The following PACRGL variants were observed in gnomAD, a reference collection of about 807,000 sequenced individuals.
The protein encoded by PACRGL is parkin coregulated like.
A neutral mutation model predicts 34.5 loss-of-function variants in PACRGL; 38 were observed. That is an observed-to-expected ratio of 1.10 (90% CI 0.85 to 1.44). The LOEUF (loss-of-function observed/expected upper bound fraction) is 1.44, where lower values mean the gene tolerates loss of function less well. PACRGL is among the 40% of genes most tolerant of loss of function. The pLI is 0.00. For missense variants in PACRGL, 305 were observed against 281.4 expected, an observed-to-expected ratio of 1.08 and a Z score of -0.60; for synonymous variants, 128 against 100.1, an observed-to-expected ratio of 1.28 and a Z score of -1.66.
At position 20,701,605 on chromosome 4, in the gene PACRGL, G is replaced by T. The variant is rs554626897; in HGVS notation, c.-17+818G>T. On this transcript the variant is annotated intron_variant, in intron 1 of 8. Coordinates refer to ENST00000503585, the MANE Select transcript of PACRGL (RefSeq NM_001258345.3). ...CACTTGAAAGGGTTACCAAGGATAA[G>T]ATTTTTAAAGCTTGCTTTCACAAAC... The T allele has an allele frequency of 1.4e-3, 397 of 288,468 alleles. 1 individual carries two copies. Among genetic ancestry groups the T allele is most frequent in the African/African-American group, 7.9e-3 (366 of 46,056 alleles). 17.9% of individuals were successfully genotyped at this position (288,468 alleles called of 1,614,324 possible).
the PACRGL span, chr4:20,758,794 T>C: frequency 9.6e-6 from 15 of 1,565,208 alleles, no homozygotes; most frequent in African/African-American, 1.8e-4. Flanking sequence ...TCTGATAGTA[T>C]GTTAACAAGT....
intron 8 of PACRGL, among the ~76,000 whole-genome samples, chr4:20,750,349 G>C (rs1753381357): frequency 6.6e-6 from 1 of 152,040 alleles, no homozygotes; most frequent in Non-Finnish European, 1.5e-5. Flanking sequence ...CTGATGGATT[G>C]GGGTCATTGG....
At chr4:20,738,132 A>G (rs1295005213) in intron 8 of PACRGL, among the ~76,000 whole-genome samples, 1 of 151,684 alleles carries the variant, frequency 6.6e-6, no homozygotes, top group East Asian at 1.9e-4. Context: ...TCTGTCTCAA[A>G]AAAAAAAAAA....
chr4:20,749,801 T>C, intron 8 of PACRGL: 1 of 992,132 alleles, frequency 1.0e-6, no homozygotes, highest in Non-Finnish European at 1.5e-6. Flanking sequence ...TGGATAGCAG[T>C]CCAAGCTTCC....
At chr4:20,723,108 G>A (rs7688592) in intron 7 of PACRGL, among the ~76,000 whole-genome samples, 77,287 of 151,972 alleles carry the variant, frequency 0.51, 20,274 homozygotes, top group African/African-American at 0.62. Flanking sequence ...ATGAAATTCC[G>A]TGAGGTTTCA....
upstream of PACRGL, among the ~76,000 whole-genome samples, chr4:20,699,162 C>G (rs897621914): frequency 1.3e-5 from 2 of 151,998 alleles, no homozygotes; most frequent in Non-Finnish European, 1.5e-5. Flanking sequence ...TATAATAAGT[C>G]TTGAGGAAGC....
At chr4:20,697,756 G>A (rs890517248), upstream of PACRGL, among the ~76,000 whole-genome samples, 4 of 152,186 alleles carry the variant, frequency 2.6e-5, no homozygotes, top group South Asian at 8.3e-4. Flanking sequence ...TCAGTGTCTG[G>A]TAAGGGACTA....
At chr4:20,726,631 T>C (rs1457396380) in intron 8 of PACRGL, among the ~76,000 whole-genome samples, 1 of 152,184 alleles carries the variant, frequency 6.6e-6, no homozygotes, top group Non-Finnish European at 1.5e-5. Flanking sequence ...TCTTTAAAAA[T>C]GAGTGTTCTC....
downstream of PACRGL, among the ~76,000 whole-genome samples, chr4:20,754,442 G>A (rs189704685): frequency 5.3e-5 from 8 of 152,242 alleles, no homozygotes; most frequent in African/African-American, 1.7e-4. Context: ...GGATGACTCC[G>A]TGGAAGTGTA....
Position 20,707,826 on chromosome 4 carries a change from T to A in PACRGL, c.231T>A (p.Pro77=). The A allele has an allele frequency of 6.2e-7, 1 of 1,613,918 alleles. No individual in the cohort carries two copies. Among genetic ancestry groups the A allele is most frequent in the Non-Finnish European group, 8.5e-7 (1 of 1,179,792 alleles). ...INPFGEQSRV[P]SAFAAIYSKG... is the part of the protein sequence containing the mutation. The stretch of plus-strand genomic sequence containing the variant: ...AGTTTGGTGAACAGTCACGAGTGCC[T>A]TCTGCATTTGCAGCTATTTACTCTA... The change falls in exon 4 of 9, where the codon CCT becomes CCA. Residue 77 remains proline (P), a synonymous_variant. Coordinates refer to ENST00000503585, the MANE Select transcript of PACRGL (RefSeq NM_001258345.3).
At chr4:20,761,919 C>A in the PACRGL span, among the ~76,000 whole-genome samples, 1 of 152,248 alleles carries the variant, frequency 6.6e-6, no homozygotes, top group Admixed American at 6.5e-5. Flanking sequence ...CAAACACATA[C>A]TGTATGCCTA....
chr4:20,728,738 G>GTGAT lies in PACRGL; in HGVS notation c.*1398_*1401dup. ...TGTACTACTCTTAATTTCTACACTG[G>GTGAT]TGATAGCAGGGCAGCTTTCAACATC... On this transcript the variant is annotated 3_prime_UTR_variant, in exon 9 of 9. Transcript: ENST00000503585. 2 of 152,640 alleles carry GTGAT rather than the reference G, an allele frequency of 1.3e-5. No individual in the cohort carries two copies. The highest frequency in any genetic ancestry group is 3.9e-4 in the East Asian group (2 of 5,180). 9.5% of individuals were successfully genotyped at this position (152,640 alleles called of 1,614,324 possible). A position where few individuals can be genotyped will look rare whatever the true frequency, so the allele number is the denominator to read the frequency against.
chr4:20,741,040 C>T (rs1750951301), intron 8 of PACRGL, among the ~76,000 whole-genome samples: 1 of 152,192 alleles, frequency 6.6e-6, no homozygotes, highest in Non-Finnish European at 1.5e-5. Context: ...AATATATATG[C>T]ACCAATACAG....
chr4:20,745,418 A>G (rs1377137884), intron 8 of PACRGL, among the ~76,000 whole-genome samples: 3 of 152,168 alleles, frequency 2.0e-5, no homozygotes, highest in Non-Finnish European at 2.9e-5. Context: ...AACAGGAATG[A>G]TATCTTTTCG....
chr4:20,748,236 T>C (rs1290416035), intron 8 of PACRGL, among the ~76,000 whole-genome samples: 1 of 152,124 alleles, frequency 6.6e-6, no homozygotes, highest in Non-Finnish European at 1.5e-5. Flanking sequence ...GGCTCTCCAA[T>C]TGTGTATTCT....
At chr4:20,752,284 C>G (rs578175773) in intron 8 of PACRGL, among the ~76,000 whole-genome samples, 1 of 152,180 alleles carries the variant, frequency 6.6e-6, no homozygotes, top group South Asian at 2.1e-4. Flanking sequence ...GTCTCGAACT[C>G]CTGACAGCAG....
chr4:20,734,646 A>G, downstream of PACRGL: 4 of 1,553,796 alleles, frequency 2.6e-6, no homozygotes, highest in Non-Finnish European at 3.5e-6. Flanking sequence ...TGATGTAGCC[A>G]TCTTTATTTA....
chr4:20,735,108 C>A (rs1192311841), downstream of PACRGL, among the ~76,000 whole-genome samples: 1 of 152,080 alleles, frequency 6.6e-6, no homozygotes, highest in African/African-American at 2.4e-5. Context: ...TAACACACTT[C>A]AATGAAAAAC....
upstream of PACRGL, among the ~76,000 whole-genome samples, chr4:20,698,283 G>A (rs1280375124): frequency 1.3e-5 from 2 of 152,086 alleles, no homozygotes; most frequent in African/African-American, 4.8e-5. Context: ...TTACTATATT[G>A]CTAGGCAAAT....
Sources: allele counts gnomAD v4.1 joint callset (sites outside exome capture counted in the v4.1 genomes callset), GRCh38; gene constraint gnomAD v4.1.1; transcripts MANE v1.5; gene names NCBI Gene and HGNC (gene_info 2026-07-23, HGNC 2026-07-21).